Variants in RPL18A observed in about 807,000 individuals in gnomAD.
RPL18A encodes large ribosomal subunit protein eL20.
For synonymous variants in RPL18A, 122 were observed against 96.9 expected (o/e 1.26, Z -1.52); for missense variants, 163 against 254.1 (o/e 0.64, Z 2.44).
In RPL18A at chr19:17,861,852, G is replaced by T. The variant is rs1309051429; in HGVS notation, c.199-242G>T. 1.2e-5 allele frequency: 7 copies of T among 570,100 alleles called. No individual in the cohort carries two copies. In the East Asian group the frequency reaches 2.1e-4, roughly 17 times the overall value. 35.3% of individuals were successfully genotyped at this position (570,100 alleles called of 1,614,324 possible). A position where few individuals can be genotyped will look rare whatever the true frequency, so the allele number is the denominator to read the frequency against. On this transcript the variant is annotated intron_variant, in intron 2 of 4. Transcript: ENST00000222247. ...CTTGAGTTCAGGAACTGCATCTGGGGCTGGGTTGGTGTCCGTGGCAGAAGC... is the reference window on the plus strand; with the variant it reads ...CTTGAGTTCAGGAACTGCATCTGGGTCTGGGTTGGTGTCCGTGGCAGAAGC...
intron 1 of RPL18A, among the ~76,000 whole-genome samples, chr19:17,860,563 G>T (rs2094275438): frequency 6.6e-6 from 1 of 152,208 alleles, no homozygotes; most frequent in Non-Finnish European, 1.5e-5. Flanking sequence ...TCCTGAACGT[G>T]TGCCGAGGCC....
chr19:17,862,358 C>A, intron 3 of RPL18A, 135 bp downstream of exon 3: 2 of 1,082,012 alleles, frequency 1.8e-6, no homozygotes, highest in Non-Finnish European at 2.7e-6. Context: ...CAAAAGGATG[C>A]CCCAGGCCCC....
At position 17,859,965 on chromosome 19, in the gene RPL18A, C is replaced by T. The variant is rs777434217; in HGVS notation, c.9C>T (p.Ala3=). Reference sequence around the variant, plus strand: ...AACGCGGAGAGCACGCCATGAAGGCCTCGGGCACGGTAAGGCGGGCGCGGC... The same window carrying T: ...AACGCGGAGAGCACGCCATGAAGGCTTCGGGCACGGTAAGGCGGGCGCGGC... MK[A]SGTLREYKVV... is the part of the protein sequence containing the mutation. The change falls in exon 1 of 5, where the codon GCC becomes GCT. Residue 3 remains alanine, a synonymous_variant. Transcript: ENST00000222247. The T allele has an allele frequency of 1.3e-6, 2 of 1,537,118 alleles. No individual in the cohort carries two copies. Among genetic ancestry groups the T allele is most frequent in the South Asian group, 1.2e-5 (1 of 82,792 alleles).
intron 3 of RPL18A, 73 bp downstream of exon 3, chr19:17,862,296 A>G: frequency 6.4e-7 from 1 of 1,553,342 alleles, no homozygotes; most frequent in Non-Finnish European, 8.8e-7. Context: ...GGCAAGTGCC[A>G]GAGGTTCCCA....
intron 1 of RPL18A, 88 bp downstream of exon 1, chr19:17,860,062 G>A (rs45565436): frequency 0.017 from 21,478 of 1,247,544 alleles, 273 homozygotes; most frequent in Non-Finnish European, 0.021. Flanking sequence ...CCGGGTTGGT[G>A]CCGCGCGCTT....
chr19:17,861,807 C>T (rs1568413877), intron 2 of RPL18A: 1 of 541,466 alleles, frequency 1.8e-6, no homozygotes, highest in Non-Finnish European at 3.3e-6. Flanking sequence ...GCTAGGTTGG[C>T]CCAGACAGGT....
Position 17,859,916 on chromosome 19 carries a change from C to A in RPL18A, c.-41C>A. 1.3e-6 allele frequency: 2 copies of A among 1,542,674 alleles called. No homozygotes were observed. The highest frequency in any genetic ancestry group is 2.5e-5 in the East Asian group (1 of 39,426). ...TGGTGAACGGCTGCGCGACAGAGGA[C>A]ACTTCCTTTTGCGGGTGGCGGCGAA... On this transcript the variant is annotated 5_prime_UTR_variant, in exon 1 of 5. Transcript: ENST00000222247.
At chr19:17,860,251 C>T (rs989211037) in intron 1 of RPL18A, 1 of 435,026 alleles carries the variant, frequency 2.3e-6, no homozygotes, top group Non-Finnish European at 4.1e-6. Flanking sequence ...CATAGAGGCC[C>T]TAGCCCCGGC....
In RPL18A at chr19:17,861,322, C is replaced by T. The variant is rs2094276874; in HGVS notation, c.48C>T (p.Cys16=). 1 of 1,613,794 alleles carries T rather than the reference C, an allele frequency of 6.2e-7. No individual in the cohort carries two copies. The highest frequency in any genetic ancestry group is 8.5e-7 in the Non-Finnish European group (1 of 1,179,786). The change falls in exon 2 of 5, where the codon TGC becomes TGT. Residue 16 remains cysteine (C), a synonymous_variant. Coordinates refer to ENST00000222247, the MANE Select transcript of RPL18A (RefSeq NM_000980.4). ...GAGAGTACAAGGTAGTGGGTCGCTG[C>T]CTGCCCACCCCCAAATGCCACACGC... The part of the protein sequence containing the change: ...TLREYKVVGR[C]LPTPKCHTPP...
At chr19:17,860,197 A>G (rs767833764) in intron 1 of RPL18A, 30 of 516,974 alleles carry the variant, frequency 5.8e-5, no homozygotes, top group East Asian at 2.1e-4. Flanking sequence ...CGGGGGCCCA[A>G]GGACTCCGGG....
intron 2 of RPL18A, 55 bp downstream of exon 2, chr19:17,861,527 C>T (rs1043046104): frequency 2.5e-5 from 33 of 1,335,608 alleles, no homozygotes; most frequent in Non-Finnish European, 3.4e-5. Flanking sequence ...CCTCTTGGGA[C>T]ATCGTGCATC....
chr19:17,861,977 G>A (rs780812126), intron 2 of RPL18A, 117 bp from the exon 3 acceptor site: 110 of 1,218,106 alleles, frequency 9.0e-5, no homozygotes, highest in Non-Finnish European at 1.2e-4. Context: ...CAAGAGTCTG[G>A]CCATAGAGTA....
chr19:17,861,561 C>T (rs558547120), intron 2 of RPL18A, 89 bp downstream of exon 2: 13 of 1,062,152 alleles, frequency 1.2e-5, no homozygotes, highest in South Asian at 7.9e-5. Flanking sequence ...AGACATCGAA[C>T]GGGTGCGGTA....
rs190477477 is a variant in RPL18A, at chr19:17,861,709, A to G, written c.198+237A>G. 535 of 566,150 alleles carry G rather than the reference A, an allele frequency of 9.4e-4. 5 individuals are homozygous for G. Among genetic ancestry groups the G allele is most frequent in the Non-Finnish European group, 1.4e-4 (45 of 319,346 alleles). The allele number at this position is 566,150 out of a possible 1,614,324, so 35.1% of individuals were successfully genotyped here. Reference sequence around the variant, plus strand: ...GGGACCCAGGGAGCGGGTGGGTGGCATGGTGGGACACCTTGGTTGGTGCTG... The same window carrying G: ...GGGACCCAGGGAGCGGGTGGGTGGCGTGGTGGGACACCTTGGTTGGTGCTG... On this transcript the variant is annotated intron_variant, in intron 2 of 4. Transcript: ENST00000222247.
At chr19:17,861,058 G>A (rs1442513384) in intron 1 of RPL18A, 2 of 547,846 alleles carry the variant, frequency 3.7e-6, no homozygotes, top group East Asian at 6.3e-5. Context: ...GCAAAGGAGA[G>A]GCAGGCAACT....
rs1568414193 is a variant in RPL18A at position 17,862,649 on chromosome 19, A to G, written c.329-269A>G. 4 of 739,650 alleles carry G rather than the reference A, an allele frequency of 5.4e-6. 1 individual carries two copies. The highest frequency in any genetic ancestry group is 9.9e-6 in the Non-Finnish European group (4 of 402,120). The allele number at this position is 739,650 out of a possible 1,614,324, so 45.8% of individuals were successfully genotyped here. A position where few individuals can be genotyped will look rare whatever the true frequency, so the allele number is the denominator to read the frequency against. On this transcript the variant is annotated intron_variant, in intron 3 of 4. Coordinates refer to ENST00000222247, the MANE Select transcript of RPL18A (RefSeq NM_000980.4). ...CGGTGGTTTAAACAGAGGTGCAAAC[A>G]GCAAGCGGATCTTGTCGCCTTTGGG...
In RPL18A at chr19:17,863,317, C is replaced by T. The variant is rs1040053773; in HGVS notation, c.*54C>T. The T allele has an allele frequency of 6.3e-6, 8 of 1,269,854 alleles. No homozygotes were observed. Among genetic ancestry groups the T allele is most frequent in the Admixed American group, 1.9e-5 (1 of 51,378 alleles). 78.7% of individuals were successfully genotyped at this position (1,269,854 alleles called of 1,614,324 possible). On this transcript the variant is annotated 3_prime_UTR_variant, in exon 5 of 5. Transcript: ENST00000222247. ...AAATAAACTCAGGAACGCCCCGGTG[C>T]TCGCCGCATGTTTTCTTTGCACACT...
At chr19:17,861,690 C>G (rs1568413852) in intron 2 of RPL18A, 5 of 577,656 alleles carry the variant, frequency 8.7e-6, no homozygotes, top group Non-Finnish European at 6.1e-6. Flanking sequence ...GCCAGGGACC[C>G]AGGGAGCGGG....
chr19:17,859,973 C>G lies in RPL18A; in HGVS notation c.17C>G (p.Thr6Arg). 1 of 1,527,574 alleles carries G rather than the reference C, an allele frequency of 6.5e-7. No individual in the cohort carries two copies. Among genetic ancestry groups the G allele is most frequent in the Non-Finnish European group, 8.8e-7 (1 of 1,139,116 alleles). The allele number at this position is 1,527,574 out of a possible 1,614,324, so 94.6% of individuals were successfully genotyped here. Reference sequence around the variant, plus strand: ...GAGCACGCCATGAAGGCCTCGGGCACGGTAAGGCGGGCGCGGCGCGGCAGG... The same window carrying G: ...GAGCACGCCATGAAGGCCTCGGGCAGGGTAAGGCGGGCGCGGCGCGGCAGG... MKASG[T>R]LREYKVVGRC... is the part of the protein sequence containing the mutation. The change falls in exon 1 of 5, where the codon ACG (threonine) becomes AGG (arginine). Residue 6 changes from threonine (T) to arginine (R), a missense_variant and splice_region_variant. Physicochemically the swap from Thr to Arg is moderately conservative, Grantham distance 71. Transcript: ENST00000222247.
Sources: gnomAD v4.1 joint callset for allele counts (sites outside exome capture counted in the v4.1 genomes callset) on GRCh38, gnomAD v4.1.1 for gene constraint, MANE v1.5 for transcripts, NCBI Gene and HGNC (gene_info 2026-07-23, HGNC 2026-07-21) for gene names.